The following CANX variants were observed in gnomAD, a reference collection of about 807,000 sequenced individuals.
CANX encodes calnexin, also known as epididymis secretory sperm binding protein.
A neutral mutation model predicts 75.7 loss-of-function variants in CANX; 14 were observed. That is an observed-to-expected ratio of 0.19 (90% CI 0.12 to 0.29). CANX has a LOEUF of 0.29. Ranked by LOEUF, CANX falls within the 10% of genes least tolerant of loss-of-function variation. CANX has a pLI of 1.00. For synonymous variants in CANX, 227 were observed against 236.9 expected, an observed-to-expected ratio of 0.96 and a Z score of 0.38; for missense variants, 567 against 713.2, an observed-to-expected ratio of 0.79 and a Z score of 2.34.
upstream of CANX, among the ~76,000 whole-genome samples, chr5:179,693,609 G>T (rs1464933764): frequency 2.6e-5 from 4 of 152,066 alleles, no homozygotes; most frequent in African/African-American, 7.2e-5. Context: ...GGAGGTAGAG[G>T]TTGCAGTGAG....
At chr5:179,686,810 C>T (rs1776198241) in intron 1 of CANX, among the ~76,000 whole-genome samples, 1 of 152,026 alleles carries the variant, frequency 6.6e-6, no homozygotes, top group Admixed American at 6.6e-5. Context: ...CAGAGCTTTG[C>T]TCTTGTTGCC....
intron 10 of CANX, 55 bp downstream of exon 10, chr5:179,720,615 G>A (rs1235302038): frequency 6.5e-7 from 1 of 1,537,868 alleles, no homozygotes; most frequent in African/African-American, 1.4e-5. Flanking sequence ...TATTCAGATA[G>A]AAGTTTTATC....
At chr5:179,710,525 G>T (rs944513051) in intron 7 of CANX, among the ~76,000 whole-genome samples, 27 of 149,812 alleles carry the variant, frequency 1.8e-4, no homozygotes, top group African/African-American at 6.4e-4. Context: ...GGCTAACATG[G>T]TGAAACCCCG....
At chr5:179,684,283 G>A (rs959518397) in intron 1 of CANX, among the ~76,000 whole-genome samples, 6 of 151,984 alleles carry the variant, frequency 3.9e-5, no homozygotes, top group African/African-American at 1.2e-4. Flanking sequence ...GGGTCTTACC[G>A]TGGTGCCTAG....
chr5:179,680,455 A>G (rs898471027), intron 1 of CANX, among the ~76,000 whole-genome samples: 6 of 152,072 alleles, frequency 3.9e-5, no homozygotes, highest in Non-Finnish European at 8.8e-5. Context: ...CCTGCCCTCA[A>G]GGTGCTCCTA....
chr5:179,698,620 G>T (rs982599389), upstream of CANX: 18 of 1,282,148 alleles, frequency 1.4e-5, no homozygotes, highest in African/African-American at 3.0e-5. Flanking sequence ...GCTACTGGGG[G>T]TTGGGTTGGA....
Position 179,705,738 on chromosome 5 carries a change from G to A in CANX, c.57G>A (p.Glu19=), listed in dbSNP as rs778304291. Residue 19 remains glutamate, a synonymous_variant, in exon 2 of 15, where the codon GAG becomes GAA. Transcript: ENST00000247461. ...TGGTGCTTGGAACTGCTATTGTTGAGGCTCATGATGGACATGATGATGATG... is the reference window on the plus strand; with the variant it reads ...TGGTGCTTGGAACTGCTATTGTTGAAGCTCATGATGGACATGATGATGATG... The part of the protein sequence containing the change: ...MLLVLGTAIV[E]AHDGHDDDVI... The A allele has an allele frequency of 6.2e-6, 10 of 1,610,214 alleles. No homozygotes were observed. In the African/African-American group the frequency reaches 6.7e-5, roughly 11 times the overall value.
intron 11 of CANX, 122 bp from the exon 12 acceptor site, chr5:179,723,538 A>C: frequency 1.1e-6 from 1 of 930,978 alleles, no homozygotes; most frequent in Non-Finnish European, 1.6e-6. Context: ...TTTTATGAGC[A>C]TTTTCTCTGA....
At chr5:179,689,014 C>T (rs1200817790) in intron 1 of CANX, among the ~76,000 whole-genome samples, 1 of 151,708 alleles carries the variant, frequency 6.6e-6, no homozygotes, top group Non-Finnish European at 1.5e-5. Context: ...TTTGGGAGGC[C>T]AAGGCGGGTG....
At chr5:179,723,367 G>A (rs533162828) in intron 11 of CANX, 7 of 424,164 alleles carry the variant, frequency 1.7e-5, no homozygotes, top group African/African-American at 1.2e-4. Context: ...TTTAAGAATT[G>A]GAGAGCCAGG....
intron 2 of CANX, 91 bp from the exon 3 acceptor site, chr5:179,706,167 C>A: frequency 1.3e-6 from 1 of 753,276 alleles, no homozygotes; most frequent in Non-Finnish European, 2.2e-6. Flanking sequence ...ATTTTTGTGA[C>A]AGTTGAAAGC....
At chr5:179,686,060 G>C (rs1013145178) in intron 1 of CANX, among the ~76,000 whole-genome samples, 7 of 149,446 alleles carry the variant, frequency 4.7e-5, no homozygotes, top group African/African-American at 1.7e-4. Context: ...ATCTTTCCAT[G>C]TGGGTATTTG....
At chr5:179,712,699 T>TA (rs771128992) in intron 7 of CANX, among the ~76,000 whole-genome samples, 7 of 148,946 alleles carry the variant, frequency 4.7e-5, no homozygotes, top group Non-Finnish European at 7.4e-5. Context: ...TGCTGGGTTA[T>TA]AGGCGTGAGC....
chr5:179,728,247 T>C (rs1778787780), intron 14 of CANX, among the ~76,000 whole-genome samples: 1 of 152,242 alleles, frequency 6.6e-6, no homozygotes, highest in South Asian at 2.1e-4. Flanking sequence ...ATCCTTGGTT[T>C]CTTATCCTCA....
rs1034770761 is a variant in CANX at position 179,719,877 on chromosome 5, A to G, written c.1025+96A>G. The G allele has an allele frequency of 1.7e-5, 12 of 695,860 alleles. No individual in the cohort carries two copies. In the Admixed American group the frequency reaches 2.9e-4, roughly 17 times the overall value. 43.1% of individuals were successfully genotyped at this position (695,860 alleles called of 1,614,324 possible). A position where few individuals can be genotyped will look rare whatever the true frequency, so the allele number is the denominator to read the frequency against. On this transcript the variant is annotated intron_variant, in intron 9 of 14. Transcript: ENST00000247461. The stretch of plus-strand genomic sequence containing the variant: ...CACTCTGTCTCCCAGGCTGGAGTTC[A>G]GTGGCGCAGTTTCGGCTCACTGCAA...
rs1562511597 is a variant in CANX at position 179,722,758 on chromosome 5, GT to G, written c.1183-44del. The G allele has an allele frequency of 3.6e-6, 5 of 1,374,280 alleles. No homozygotes were observed. In the Admixed American group the frequency reaches 9.4e-5, roughly 26 times the overall value. 85.1% of individuals were successfully genotyped at this position (1,374,280 alleles called of 1,614,324 possible). Reference sequence around the variant, plus strand: ...TACGGTAGATTCACCATAAACTTTTGTTGATCATTATCTGAAATGATTTTCT... The same window carrying G: ...TACGGTAGATTCACCATAAACTTTTGTGATCATTATCTGAAATGATTTTCT... On this transcript the variant is annotated intron_variant, in intron 10 of 14. Coordinates refer to ENST00000247461, the MANE Select transcript of CANX (RefSeq NM_001746.4).
intron 1 of CANX, among the ~76,000 whole-genome samples, chr5:179,686,041 C>T (rs1212456265): frequency 1.3e-5 from 2 of 151,340 alleles, no homozygotes; most frequent in African/African-American, 4.9e-5. Context: ...ACAGCCAATG[C>T]TATTAAGCAT....
upstream of CANX, among the ~76,000 whole-genome samples, chr5:179,696,718 A>C (rs1288128660): frequency 6.6e-6 from 1 of 152,228 alleles, no homozygotes; most frequent in Non-Finnish European, 1.5e-5. Context: ...GTATGAAAGG[A>C]AACACACCTT....
At chr5:179,698,641 G>A (rs562119057), upstream of CANX, 15 of 1,236,152 alleles carry the variant, frequency 1.2e-5, no homozygotes, top group South Asian at 1.6e-4. Context: ...ACGCCCCGAA[G>A]GCACCACAGC....
Sources: allele counts gnomAD v4.1 joint callset (sites outside exome capture counted in the v4.1 genomes callset), GRCh38; gene constraint gnomAD v4.1.1; transcripts MANE v1.5; gene names NCBI Gene and HGNC (gene_info 2026-07-23, HGNC 2026-07-21).